Variants in RBFOX1 observed in about 807,000 individuals in gnomAD.
RBFOX1 encodes the protein RNA binding protein fox-1 homolog 1.
Under a neutral mutation model 57.7 loss-of-function variants are expected in RBFOX1, and 8 were observed. The ratio of observed to expected loss-of-function variants is 0.14; its 90% confidence interval spans 0.08 to 0.25. The LOEUF is 0.25. Among genes scored for constraint, RBFOX1 ranks in the 10% least tolerant of loss-of-function variants. The pLI is 1.00. For synonymous variants in RBFOX1, 326 were observed against 222.4 expected (o/e 1.47, Z -4.15); for missense variants, 611 against 548.5 (o/e 1.11, Z -1.14).
chr16:7,019,321 T>A (rs2094087444), intron 3 of RBFOX1, among the ~76,000 whole-genome samples: 2 of 152,092 alleles, frequency 1.3e-5, no homozygotes, highest in South Asian at 4.1e-4. Flanking sequence ...AGGGATCCAA[T>A]TTTTCATATA....
intron 4 of RBFOX1, among the ~76,000 whole-genome samples, chr16:7,460,370 A>AAAAAATAT (rs1251870828): frequency 1.8e-4 from 14 of 76,038 alleles, no homozygotes; most frequent in African/African-American, 9.5e-4. Context: ...CATTTAGCAA[A>AAAAAATAT]ATATATATAT....
chr16:6,375,869 T>TA (rs2091109751), intron 2 of RBFOX1, among the ~76,000 whole-genome samples: 7 of 152,160 alleles, frequency 4.6e-5, no homozygotes, highest in Non-Finnish European at 4.4e-5. Context: ...CACTCCCTTC[T>TA]TGGCCAGGAC....
chr16:5,727,365 C>A (rs1041872207), intron 3 of RBFOX1, among the ~76,000 whole-genome samples: 8 of 152,138 alleles, frequency 5.3e-5, no homozygotes, highest in African/African-American at 1.9e-4. Flanking sequence ...CATTTAATGA[C>A]TGACAAATAA....
intron 3 of RBFOX1, among the ~76,000 whole-genome samples, chr16:7,018,221 G>T (rs1230670666): frequency 6.6e-6 from 1 of 152,010 alleles, no homozygotes; most frequent in East Asian, 1.9e-4. Flanking sequence ...TGAAGAAGGG[G>T]GCATTCTCTA....
chr16:7,128,911 C>G (rs1361423598), intron 4 of RBFOX1, among the ~76,000 whole-genome samples: 2 of 150,966 alleles, frequency 1.3e-5, no homozygotes, highest in Middle Eastern at 3.4e-3. Context: ...ACCTCCGCCT[C>G]CTGGGTTCAA....
chr16:6,267,388 G>A (rs370601571), intron 1 of RBFOX1, among the ~76,000 whole-genome samples: 10 of 152,140 alleles, frequency 6.6e-5, no homozygotes, highest in African/African-American at 2.4e-4. Context: ...TATCTCCTAT[G>A]TGTCCCTCCT....
intron 5 of RBFOX1, among the ~76,000 whole-genome samples, chr16:7,546,591 G>C (rs1245772053): frequency 9.2e-5 from 14 of 152,080 alleles, no homozygotes; most frequent in Non-Finnish European, 2.1e-4. Flanking sequence ...CAAAAAATTA[G>C]AAAATAGATA....
At chr16:6,354,325 C>T (rs1407407355) in intron 2 of RBFOX1, among the ~76,000 whole-genome samples, 1 of 152,114 alleles carries the variant, frequency 6.6e-6, no homozygotes, top group Admixed American at 6.5e-5. Flanking sequence ...GCTCTCTGTC[C>T]ATCACCAGTC....
chr16:6,373,136 G>T (rs1350525917), intron 2 of RBFOX1, among the ~76,000 whole-genome samples: 2 of 152,078 alleles, frequency 1.3e-5, no homozygotes, highest in African/African-American at 4.8e-5. Context: ...TAACTGTATG[G>T]GAGGATTGTT....
At chr16:5,462,426 C>A (rs1184134080) in intron 1 of RBFOX1, among the ~76,000 whole-genome samples, 1 of 152,092 alleles carries the variant, frequency 6.6e-6, no homozygotes, top group African/African-American at 2.4e-5. Context: ...CCTCGGCCTC[C>A]CAAAGTGCTG....
intron 7 of RBFOX1, 103 bp downstream of exon 7, chr16:7,587,403 T>C: frequency 8.3e-7 from 1 of 1,200,434 alleles, no homozygotes; most frequent in Non-Finnish European, 1.1e-6. Context: ...ATTGTGAAAA[T>C]ACACTTCAGT....
At chr16:5,281,197 T>C (rs2063263627) in intron 1 of RBFOX1, among the ~76,000 whole-genome samples, 1 of 152,188 alleles carries the variant, frequency 6.6e-6, no homozygotes, top group Non-Finnish European at 1.5e-5. Context: ...GCAATGATGA[T>C]TCAATAGCAC....
rs555480740 is a variant in RBFOX1, at chr16:6,972,434, C to G, written c.-15-79623C>G. Among the ~76,000 whole-genome samples the G allele has an allele frequency of 4.1e-4, 63 of 152,198 alleles. No individual in the cohort carries two copies. The South Asian group carries it at 5.4e-3, about 13-fold the overall frequency. ...TAGGATGTTTCTTCGTTTTTCAAGG[C>G]TAAGTAATATTCCCTTATGTGGAAT... is the stretch of plus-strand genomic sequence containing the variant. On this transcript the variant is annotated intron_variant, in intron 3 of 15. Coordinates refer to ENST00000550418, the MANE Select transcript of RBFOX1 (RefSeq NM_018723.4).
At chr16:6,767,246 A>G (rs1229837858) in intron 3 of RBFOX1, among the ~76,000 whole-genome samples, 1 of 152,004 alleles carries the variant, frequency 6.6e-6, no homozygotes, top group Non-Finnish European at 1.5e-5. Flanking sequence ...TGGCTCCTAG[A>G]TGACCAAGTG....
At chr16:6,803,170 A>AT (rs1324295998) in intron 3 of RBFOX1, among the ~76,000 whole-genome samples, 1 of 152,062 alleles carries the variant, frequency 6.6e-6, no homozygotes, top group African/African-American at 2.4e-5. Context: ...TGAGTTAGAC[A>AT]TTTAAGGACA....
At chr16:7,655,122 C>G (rs1396772383) in intron 12 of RBFOX1, among the ~76,000 whole-genome samples, 2 of 152,298 alleles carry the variant, frequency 1.3e-5, no homozygotes, top group South Asian at 4.1e-4. Flanking sequence ...TAGCCTAGAT[C>G]ATCTATTATA....
chr16:6,094,529 G>A (rs372279021), intron 1 of RBFOX1, among the ~76,000 whole-genome samples: 12 of 152,264 alleles, frequency 7.9e-5, no homozygotes, highest in African/African-American at 2.9e-4. Flanking sequence ...CATTCCACTG[G>A]AAGCTTGAAA....
chr16:7,238,007 A>G (rs916632188), intron 4 of RBFOX1, among the ~76,000 whole-genome samples: 11 of 152,226 alleles, frequency 7.2e-5, no homozygotes, highest in African/African-American at 2.4e-4. Flanking sequence ...CTGTCTCAAA[A>G]AAAGAAAAGA....
In RBFOX1 at chr16:5,493,602, G is replaced by T. The variant is rs141222241; in HGVS notation, c.258+26348G>T. 1.3e-3 allele frequency among the ~76,000 whole-genome samples: 203 copies of T among 152,336 alleles called. 1 individual carries two copies. The highest frequency in any genetic ancestry group is 4.5e-3 in the African/African-American group (188 of 41,582). Reference sequence around the variant, plus strand: ...AATATTTTCCATACACACCTATCATGGGCAAATGTAATAAGAGCTGAGAGT... The same window carrying T: ...AATATTTTCCATACACACCTATCATTGGCAAATGTAATAAGAGCTGAGAGT... On this transcript the variant is annotated intron_variant, in intron 2 of 2. Coordinates refer to the RBFOX1 transcript ENST00000585867.
Sources: allele counts gnomAD v4.1 joint callset (sites outside exome capture counted in the v4.1 genomes callset), GRCh38; gene constraint gnomAD v4.1.1; transcripts MANE v1.5; gene names NCBI Gene and HGNC (gene_info 2026-07-23, HGNC 2026-07-21).